ZZEF1: variants seen among roughly 807,000 people sequenced by gnomAD.
ZZEF1 encodes zinc finger ZZ-type and EF-hand domain-containing protein 1.
Under a neutral mutation model 342.8 loss-of-function variants are expected in ZZEF1, and 157 were observed. That is an observed-to-expected ratio of 0.46 (90% CI 0.40 to 0.52). ZZEF1 has a LOEUF of 0.52. Among genes scored for constraint, ZZEF1 ranks in the 20% least tolerant of loss-of-function variants. ZZEF1 has a pLI of 0.00. For missense variants in ZZEF1, 3,480 were observed against 3,725.6 expected (o/e 0.93, Z 1.72); for synonymous variants, 1,505 against 1,429.1 (o/e 1.05, Z -1.20).
chr17:4,056,107 G>A, intron 33 of ZZEF1, 109 bp downstream of exon 33: 15 of 1,232,026 alleles, frequency 1.2e-5, no homozygotes, highest in Non-Finnish European at 1.6e-5. Flanking sequence ...GGTATTGAAT[G>A]CCACCTGCAG....
chr17:4,131,688 G>A (rs921790206), intron 1 of ZZEF1, among the ~76,000 whole-genome samples: 5 of 152,020 alleles, frequency 3.3e-5, no homozygotes, highest in African/African-American at 1.2e-4. Flanking sequence ...GCTGAGGTGG[G>A]AGGATCACTT....
chr17:4,024,326 T>C (rs1174576796), intron 43 of ZZEF1, among the ~76,000 whole-genome samples: 1 of 150,854 alleles, frequency 6.6e-6, no homozygotes, highest in African/African-American at 2.4e-5. Flanking sequence ...GCCTCCCGAG[T>C]AGCTGGGATT....
rs2056823266 is a variant in ZZEF1, at chr17:4,042,458, G to A, written c.6277C>T (p.Leu2093=). The change falls in exon 39 of 55, where the codon CTA becomes TTA. Residue 2093 remains leucine (L), a synonymous_variant. Transcript: ENST00000381638. ...ECSQKRILGL[L]AAMLPPLKSG... is the part of the protein sequence containing the mutation. ...TTTAAGGGAGGTAACATGGCTGCTA[G>A]TAATCCCAAAATCCTCTTCTGGGAA... 1 of 1,613,520 alleles carries A rather than the reference G, an allele frequency of 6.2e-7. No individual in the cohort carries two copies. Among genetic ancestry groups the A allele is most frequent in the Non-Finnish European group, 8.5e-7 (1 of 1,179,862 alleles).
intron 37 of ZZEF1, among the ~76,000 whole-genome samples, chr17:4,048,445 C>T (rs183083286): frequency 7.2e-4 from 109 of 152,324 alleles, no homozygotes; most frequent in Admixed American, 3.8e-3. Flanking sequence ...GCAACATCAG[C>T]GACCCCTGTG....
chr17:4,035,239 G>A (rs142324560), intron 39 of ZZEF1, among the ~76,000 whole-genome samples: 5 of 152,188 alleles, frequency 3.3e-5, no homozygotes, highest in Admixed American at 2.6e-4. Flanking sequence ...GCACAAAACC[G>A]AAGAAAGCTT....
In ZZEF1 at chr17:4,038,669, G is replaced by A. The variant is rs577389501; in HGVS notation, c.6306+3760C>T. ...AAAATATAAAAATTAGCTGGGTGTG[G>A]TGGCACATTCCTGTAGTCCCAGCTA... On this transcript the variant is annotated intron_variant, in intron 39 of 54. Coordinates refer to ENST00000381638, the MANE Select transcript of ZZEF1 (RefSeq NM_015113.4). Among the ~76,000 whole-genome samples, 7 of 152,234 alleles carry A rather than the reference G, an allele frequency of 4.6e-5. No individual in the cohort carries two copies. The East Asian group carries it at 9.6e-4, about 21-fold the overall frequency.
Position 4,010,724 on chromosome 17 carries a change from C to CA in ZZEF1, c.8580-968dup, listed in dbSNP as rs58349682. The stretch of plus-strand genomic sequence containing the variant: ...CAAGTGACAGTGTGAGATTCCGTCT[C>CA]AAAAAAAAAAAGAAAAAGAAAAAAG... On this transcript the variant is annotated intron_variant, in intron 52 of 54. Transcript: ENST00000381638. 3.1e-3 allele frequency among the ~76,000 whole-genome samples: 262 copies of CA among 85,242 alleles called. 7 individuals are homozygous for CA. Among genetic ancestry groups the CA allele is most frequent in the African/African-American group, 0.012 (236 of 19,054 alleles). 55.9% of individuals were successfully genotyped at this position (85,242 alleles called of 152,430 possible).
chr17:4,112,038 ATATATATATAT>A (rs2058313777), intron 5 of ZZEF1, among the ~76,000 whole-genome samples: 4 of 4,540 alleles, frequency 8.8e-4, no homozygotes, highest in African/African-American at 4.8e-3. Flanking sequence ...GTCTAAATAT[ATATATATATAT>A]ATATATATAT....
At chr17:4,134,694 T>A (rs1002647758) in intron 1 of ZZEF1, among the ~76,000 whole-genome samples, 4 of 152,010 alleles carry the variant, frequency 2.6e-5, no homozygotes, top group African/African-American at 9.7e-5. Flanking sequence ...TTAAGGCATA[T>A]GGTTAGTACA....
Position 4,095,983 on chromosome 17 carries a change from G to A in ZZEF1, c.1765-4C>T, listed in dbSNP as rs746089000. The A allele has an allele frequency of 6.2e-7, 1 of 1,605,934 alleles. No homozygotes were observed. The highest frequency in any genetic ancestry group is 2.2e-5 in the East Asian group (1 of 44,828). ...CACCAATGCCACCACGTCGAACCTGGAAACAGAGATTAGGATGAAGTCTAT... is the reference window on the plus strand; with the variant it reads ...CACCAATGCCACCACGTCGAACCTGAAAACAGAGATTAGGATGAAGTCTAT... On this transcript the variant is annotated splice_region_variant and splice_polypyrimidine_tract_variant and intron_variant, in intron 10 of 54. Coordinates refer to ENST00000381638, the MANE Select transcript of ZZEF1 (RefSeq NM_015113.4).
chr17:4,019,947 A>G lies in ZZEF1; in HGVS notation c.7405-178T>C, dbSNP rs145647964. The G allele has an allele frequency of 8.4e-5, 44 of 520,826 alleles. No individual in the cohort carries two copies. The East Asian group carries it at 1.3e-3, about 15-fold the overall frequency. The allele number at this position is 520,826 out of a possible 1,614,324, so 32.3% of individuals were successfully genotyped here. A position where few individuals can be genotyped will look rare whatever the true frequency, so the allele number is the denominator to read the frequency against. ...AATTGTAAGCACCAAAACATGGACT[A>G]TAACACCTACACTACGACTGTAACT... On this transcript the variant is annotated intron_variant, in intron 45 of 54. Transcript: ENST00000381638.
At position 4,014,145 on chromosome 17, in the gene ZZEF1, G is replaced by C; in HGVS notation, c.8358C>G (p.Thr2786=). Residue 2786 remains threonine, a synonymous_variant, in exon 51 of 55, where the codon ACC becomes ACG. Coordinates refer to ENST00000381638, the MANE Select transcript of ZZEF1 (RefSeq NM_015113.4). The surrounding 1 kb of genome is among the most constrained non-coding windows in gnomAD (Gnocchi z 4.4). ...TCACGGTGAATCTGTAGCCCCACTC[G>C]GTGTTGCTCATGTCGGAGGTGAAGC... is the stretch of plus-strand genomic sequence containing the variant. ...YYRFTSDMSN[T]EWGYRFTVTA... 1 of 1,614,140 alleles carries C rather than the reference G, an allele frequency of 6.2e-7. No individual in the cohort carries two copies. Among genetic ancestry groups the C allele is most frequent in the South Asian group, 1.1e-5 (1 of 91,080 alleles).
chr17:4,033,477 A>T (rs1419647749), intron 40 of ZZEF1: 1 of 163,512 alleles, frequency 6.1e-6, no homozygotes, highest in Non-Finnish European at 1.4e-5. Flanking sequence ...CTTCCGGAGT[A>T]GCTGGGATTA....
In ZZEF1 at chr17:4,008,551, C is replaced by T. The variant is rs561334434; in HGVS notation, c.8805+332G>A. The T allele has an allele frequency of 9.1e-5, 98 of 1,071,138 alleles. No individual in the cohort carries two copies. In the African/African-American group the frequency reaches 1.5e-3, roughly 16 times the overall value. The allele number at this position is 1,071,138 out of a possible 1,614,324, so 66.4% of individuals were successfully genotyped here. A position where few individuals can be genotyped will look rare whatever the true frequency, so the allele number is the denominator to read the frequency against. On this transcript the variant is annotated intron_variant, in intron 54 of 54. Transcript: ENST00000381638. This position sits in a 1 kb window ranked among gnomAD's most constrained non-coding sequence, Gnocchi z 4.2. ...GCTGTCAGAAGAGGAGTTCCGCTAC[C>T]AGAGAAGCAACTCACATCTAAAAAT...
In ZZEF1 at chr17:4,065,303, T is replaced by C. The variant is rs184116347; in HGVS notation, c.4250-474A>G. On this transcript the variant is annotated intron_variant, in intron 28 of 54. Transcript: ENST00000381638. ...TCTTATCTACTTGGGAGGCTGAGGC[T>C]GAAGGATTGCTTGAGTCTGAGAAGT... 3.6e-3 allele frequency among the ~76,000 whole-genome samples: 542 copies of C among 151,688 alleles called. 1 individual carries two copies. Among genetic ancestry groups the C allele is most frequent in the Non-Finnish European group, 5.1e-3 (345 of 67,888 alleles).
rs1246479991 is a variant in ZZEF1, at chr17:4,034,310, G to A, written c.6307-18C>T. ...GTGGGGCCCTGCCAAGAGAGGGAGA[G>A]AAATCTGTTCAGTACAAAATCCACA... On this transcript the variant is annotated intron_variant, in intron 39 of 54. Coordinates refer to ENST00000381638, the MANE Select transcript of ZZEF1 (RefSeq NM_015113.4). 2 of 1,613,394 alleles carry A rather than the reference G, an allele frequency of 1.2e-6. No homozygotes were observed. The highest frequency in any genetic ancestry group is 2.2e-5 in the South Asian group (2 of 91,040).
chr17:4,049,764 C>T lies in ZZEF1; in HGVS notation c.5959G>A (p.Glu1987Lys), dbSNP rs973681669. ...ACAGCTTTCTTCTCTAGCTGCTCCT[C>T]TGACGCTCCGGTGGGCACAGTGACT... ...LPVTVPTGAS[E>K]EQLEKKAVQG... Residue 1987 changes from glutamate (E) to lysine (K), a missense_variant, in exon 37 of 55, where the codon GAG becomes AAG. By Grantham distance (56) the Glu-to-Lys change is moderately conservative. Transcript: ENST00000381638. 1 of 1,614,068 alleles carries T rather than the reference C, an allele frequency of 6.2e-7. No homozygotes were observed. Among genetic ancestry groups the T allele is most frequent in the African/African-American group, 1.3e-5 (1 of 74,922 alleles).
intron 9 of ZZEF1, among the ~76,000 whole-genome samples, chr17:4,097,884 C>T (rs576091733): frequency 7.1e-6 from 1 of 141,018 alleles, no homozygotes. Flanking sequence ...TCACTTGAGC[C>T]TCAAAACCAG....
chr17:4,108,463 G>C (rs1314072526), intron 6 of ZZEF1, among the ~76,000 whole-genome samples: 1 of 152,222 alleles, frequency 6.6e-6, no homozygotes, highest in Non-Finnish European at 1.5e-5. Context: ...TCAGAATGAA[G>C]GAAACTAAAG....
Sources: gnomAD v4.1 joint callset for allele counts (sites outside exome capture counted in the v4.1 genomes callset) on GRCh38, gnomAD v4.1.1 for gene constraint, Gnocchi (gnomAD v3.1) non-coding constraint, MANE v1.5 for transcripts, NCBI Gene and HGNC (gene_info 2026-07-23, HGNC 2026-07-21) for gene names.